ATP8A2: variants seen among roughly 807,000 people sequenced by gnomAD.
ATP8A2 encodes the protein phospholipid-transporting ATPase IB.
Under a neutral mutation model 165.6 loss-of-function variants are expected in ATP8A2, and 100 were observed. The ratio of observed to expected loss-of-function variants is 0.60; its 90% CI spans 0.51 to 0.71. ATP8A2 has a LOEUF of 0.71. ATP8A2 is among the 30% of genes least tolerant of loss of function. ATP8A2 has a pLI of 0.00. For missense variants in ATP8A2, 1,227 were observed against 1,479.5 expected, an observed-to-expected ratio of 0.83 and a Z score of 2.80; for synonymous variants, 543 against 548.8, an observed-to-expected ratio of 0.99 and a Z score of 0.15.
chr13:25,971,063 C>T (rs765291568), intron 35 of ATP8A2, among the ~76,000 whole-genome samples: 1 of 152,088 alleles, frequency 6.6e-6, no homozygotes, highest in Non-Finnish European at 1.5e-5. Context: ...CCTGCATACT[C>T]CCGTTTGGTT....
At chr13:25,785,262 T>C (rs1340418885) in intron 27 of ATP8A2, among the ~76,000 whole-genome samples, 1 of 151,384 alleles carries the variant, frequency 6.6e-6, no homozygotes, top group Non-Finnish European at 1.5e-5. Context: ...TAACCGGACA[T>C]GGGGGCACAC....
At chr13:25,741,491 C>T (rs1437088745) in intron 25 of ATP8A2, among the ~76,000 whole-genome samples, 1 of 152,148 alleles carries the variant, frequency 6.6e-6, no homozygotes, top group Non-Finnish European at 1.5e-5. Context: ...AAGTAACCCT[C>T]CCACCTCAGC....
intron 27 of ATP8A2, among the ~76,000 whole-genome samples, chr13:25,783,335 A>G (rs1410909826): frequency 6.6e-6 from 1 of 152,236 alleles, no homozygotes; most frequent in African/African-American, 2.4e-5. Flanking sequence ...AAAACTACTT[A>G]GAGAAGTTTC....
At chr13:25,996,648 C>T (rs1441034431) in intron 35 of ATP8A2, among the ~76,000 whole-genome samples, 1 of 152,118 alleles carries the variant, frequency 6.6e-6, no homozygotes. Context: ...GCCTCAGCCT[C>T]CTAAGTAGCT....
intron 34 of ATP8A2, among the ~76,000 whole-genome samples, chr13:25,965,423 C>G (rs1955755109): frequency 6.6e-6 from 1 of 152,166 alleles, no homozygotes; most frequent in African/African-American, 2.4e-5. Context: ...TCAGATTTGG[C>G]ACGCCATAAA....
chr13:25,594,875 C>T (rs748407624), intron 24 of ATP8A2, among the ~76,000 whole-genome samples: 2 of 151,996 alleles, frequency 1.3e-5, no homozygotes, highest in Non-Finnish European at 2.9e-5. Context: ...AAAAAAGATA[C>T]TTGCACACAC....
rs1269069861 is a variant in ATP8A2 at position 25,553,924 on chromosome 13, A to G, written c.1185+4A>G. The G allele has an allele frequency of 6.2e-7, 1 of 1,612,510 alleles. No individual in the cohort carries two copies. Among genetic ancestry groups the G allele is most frequent in the Non-Finnish European group, 8.5e-7 (1 of 1,179,278 alleles). On this transcript the variant is annotated splice_donor_region_variant and intron_variant, in intron 12 of 36. Transcript: ENST00000381655. ...TCAAGCCCTTTTCATAAACTGGGTGAGTATTAAAGCAGAGTTGAATCACTA... is the reference window on the plus strand; with the variant it reads ...TCAAGCCCTTTTCATAAACTGGGTGGGTATTAAAGCAGAGTTGAATCACTA...
chr13:25,600,826 G>A (rs2040364596), intron 24 of ATP8A2, among the ~76,000 whole-genome samples: 1 of 152,194 alleles, frequency 6.6e-6, no homozygotes, highest in Non-Finnish European at 1.5e-5. Flanking sequence ...ATACAGGGAA[G>A]AACATGGAAG....
chr13:25,692,740 C>T (rs7989017), intron 24 of ATP8A2, among the ~76,000 whole-genome samples: 42,056 of 151,946 alleles, frequency 0.28, 6,067 homozygotes, highest in South Asian at 0.46. Flanking sequence ...TGGTGATTAC[C>T]TAATTTTAAT....
At chr13:25,540,144 C>T (rs1257273577) in intron 7 of ATP8A2, among the ~76,000 whole-genome samples, 175 bp from the exon 8 acceptor site, 2 of 152,158 alleles carry the variant, frequency 1.3e-5, no homozygotes, top group African/African-American at 4.8e-5. Context: ...TACTGAGTCC[C>T]AAAGATGAGT....
chr13:25,716,721 A>G (rs1056690071), intron 25 of ATP8A2, among the ~76,000 whole-genome samples: 2 of 152,188 alleles, frequency 1.3e-5, no homozygotes, highest in Non-Finnish European at 2.9e-5. Flanking sequence ...TATTACGTGT[A>G]AAACATTGTT....
chr13:25,504,693 T>C (rs986301496), intron 2 of ATP8A2, among the ~76,000 whole-genome samples: 2 of 143,722 alleles, frequency 1.4e-5, no homozygotes, highest in Admixed American at 1.4e-4. Context: ...TGAGCCGAGA[T>C]TGCGCCACTG....
chr13:25,453,083 G>A (rs761694918), intron 1 of ATP8A2, among the ~76,000 whole-genome samples: 1 of 152,008 alleles, frequency 6.6e-6, no homozygotes, highest in African/African-American at 2.4e-5. Context: ...GACAGAGTGA[G>A]ACTCCGTCTT....
chr13:25,449,436 C>T (rs2035154226), intron 1 of ATP8A2, among the ~76,000 whole-genome samples: 1 of 152,122 alleles, frequency 6.6e-6, no homozygotes, highest in South Asian at 2.1e-4. Flanking sequence ...TGGTTAGAGG[C>T]CATATGTTAT....
chr13:25,438,785 C>T (rs1471734372), intron 1 of ATP8A2, among the ~76,000 whole-genome samples: 2 of 152,152 alleles, frequency 1.3e-5, no homozygotes, highest in African/African-American at 2.4e-5. Flanking sequence ...TTCTATGTTA[C>T]TTGTTTTATT....
intron 35 of ATP8A2, among the ~76,000 whole-genome samples, chr13:25,977,047 C>CCCCCACCCCCACCCCCA (rs1956062776): frequency 9.4e-6 from 1 of 106,348 alleles, no homozygotes; most frequent in Non-Finnish European, 1.9e-5. Context: ...CCCCACCCCC[C>CCCCCACCCCCACCCCCA]TTCCCTGCCC....
intron 27 of ATP8A2, among the ~76,000 whole-genome samples, chr13:25,808,896 A>G (rs906992687): frequency 6.6e-5 from 10 of 152,110 alleles, no homozygotes; most frequent in Non-Finnish European, 1.0e-4. Context: ...GGCAATCCAT[A>G]TTTTCAGAGA....
At chr13:25,616,621 G>C (rs2040835003) in intron 24 of ATP8A2, among the ~76,000 whole-genome samples, 1 of 152,096 alleles carries the variant, frequency 6.6e-6, no homozygotes, top group African/African-American at 2.4e-5. Flanking sequence ...CGTGAACCAT[G>C]ACCACTTAAT....
intron 18 of ATP8A2, 108 bp downstream of exon 18, chr13:25,571,800 A>G: frequency 2.0e-6 from 2 of 984,776 alleles, no homozygotes; most frequent in Non-Finnish European, 3.3e-6. Flanking sequence ...TCTTTCAGTG[A>G]AAAATTAAGA....
Sources: gnomAD v4.1 joint callset for allele counts (sites outside exome capture counted in the v4.1 genomes callset) on GRCh38, gnomAD v4.1.1 for gene constraint, MANE v1.5 for transcripts, NCBI Gene and HGNC (gene_info 2026-07-23, HGNC 2026-07-21) for gene names.